The following TAPT1 variants were observed in gnomAD, a reference collection of about 807,000 sequenced individuals.
TAPT1 encodes the protein transmembrane anterior posterior transformation protein 1 homolog.
In TAPT1, 28 loss-of-function variants were observed where a neutral mutation model predicts 65.6. The observed-to-expected ratio is 0.43, with a 90% CI of 0.32 to 0.59. The LOEUF is 0.59. Ranked by LOEUF, TAPT1 falls within the 20% of genes least tolerant of loss-of-function variation. TAPT1 has a pLI of 0.09. For missense variants in TAPT1, 563 were observed against 679.9 expected (o/e 0.83, Z 1.91); for synonymous variants, 278 against 245.2 (o/e 1.13, Z -1.25).
At chr4:16,221,544 C>A (rs923015634) in intron 1 of TAPT1, among the ~76,000 whole-genome samples, 1 of 152,106 alleles carries the variant, frequency 6.6e-6, no homozygotes, top group Non-Finnish European at 1.5e-5. Context: ...AAAGAAAAAA[C>A]ACAATGTTTA....
At chr4:16,199,425 A>C (rs1317527595) in intron 3 of TAPT1, among the ~76,000 whole-genome samples, 1 of 152,214 alleles carries the variant, frequency 6.6e-6, no homozygotes, top group East Asian at 1.9e-4. Context: ...AAAGTATTTC[A>C]AACTAATGTA....
chr4:16,203,344 G>A (rs1284417195), intron 2 of TAPT1, among the ~76,000 whole-genome samples: 1 of 152,140 alleles, frequency 6.6e-6, no homozygotes, highest in Non-Finnish European at 1.5e-5. Context: ...TCAATAAATT[G>A]CCCTGCCTCC....
chr4:16,201,599 C>T (rs1193317782), intron 3 of TAPT1, among the ~76,000 whole-genome samples: 2 of 152,086 alleles, frequency 1.3e-5, no homozygotes, highest in Non-Finnish European at 2.9e-5. Flanking sequence ...AGAAAGAAAA[C>T]CGTAAAAGCC....
At position 16,161,471 on chromosome 4, in the gene TAPT1, A is replaced by C. The variant is rs1306318989; in HGVS notation, c.*1837T>G. ...GCAGTAACAGAATAATTCAAGCGGA[A>C]CTGAAGATCTATCCAAACCATGTTC... On this transcript the variant is annotated 3_prime_UTR_variant, in exon 14 of 14. Transcript: ENST00000405303. 1 of 152,650 alleles carries C rather than the reference A, an allele frequency of 6.6e-6. No homozygotes were observed. The highest frequency in any genetic ancestry group is 1.5e-5 in the Non-Finnish European group (1 of 68,036). 9.5% of individuals were successfully genotyped at this position (152,650 alleles called of 1,614,324 possible). A position where few individuals can be genotyped will look rare whatever the true frequency, so the allele number is the denominator to read the frequency against.
intron 2 of TAPT1, among the ~76,000 whole-genome samples, chr4:16,213,173 G>C (rs143321803): frequency 6.6e-6 from 1 of 152,306 alleles, no homozygotes; most frequent in Non-Finnish European, 1.5e-5. Flanking sequence ...CATCGCCTAG[G>C]GGAGAAGGGG....
intron 7 of TAPT1, among the ~76,000 whole-genome samples, chr4:16,184,381 T>C (rs183864776): frequency 1.8e-4 from 27 of 152,362 alleles, no homozygotes; most frequent in Admixed American, 1.3e-3. Flanking sequence ...TAGTATTCTA[T>C]GGTATGGATA....
intron 3 of TAPT1, among the ~76,000 whole-genome samples, chr4:16,200,601 C>T (rs1749972381): frequency 1.3e-5 from 2 of 152,248 alleles, no homozygotes. Flanking sequence ...GCTGAGATTA[C>T]AGGCATGAGC....
At chr4:16,213,694 G>T in intron 2 of TAPT1, 74 bp downstream of exon 2, 1 of 1,318,098 alleles carries the variant, frequency 7.6e-7, no homozygotes, top group Non-Finnish European at 1.0e-6. Flanking sequence ...TCTAGCTGTT[G>T]ACCATTTTTT....
chr4:16,195,569 T>C (rs540400713), intron 3 of TAPT1, among the ~76,000 whole-genome samples: 1 of 152,334 alleles, frequency 6.6e-6, no homozygotes, highest in African/African-American at 2.4e-5. Context: ...TTTTAAAAAT[T>C]TCTAGTAAAA....
chr4:16,200,004 T>G (rs1474236796), intron 3 of TAPT1, among the ~76,000 whole-genome samples: 1 of 152,116 alleles, frequency 6.6e-6, no homozygotes, highest in Admixed American at 6.6e-5. Flanking sequence ...TATAACAAGG[T>G]GGAACTTCAA....
At chr4:16,179,554 C>T (rs1748578246) in intron 8 of TAPT1, 23 bp downstream of exon 8, 2 of 1,409,808 alleles carry the variant, frequency 1.4e-6, no homozygotes, top group East Asian at 2.5e-5. Flanking sequence ...TTATAAGACA[C>T]TGTTTTGTTA....
At chr4:16,169,045 AAAG>A (rs1747821367) in intron 12 of TAPT1, among the ~76,000 whole-genome samples, 1 of 152,248 alleles carries the variant, frequency 6.6e-6, no homozygotes, top group Non-Finnish European at 1.5e-5. Flanking sequence ...GTTAATTGAT[AAAG>A]AAGGCATGGA....
chr4:16,226,405 ACGCCGCCAC>A lies in TAPT1; in HGVS notation c.44_52del (p.Gly15_Gly17del). On this transcript the variant is annotated inframe_deletion, in exon 1 of 14. Coordinates refer to ENST00000405303, the MANE Select transcript of TAPT1 (RefSeq NM_153365.3). ...GCGGCCGTCCCGCTGCGGGCCGTCC[ACGCCGCCAC>A]CGCCGCCTTCTCCCGGAGCGGCCGC... 2 of 1,090,064 alleles carry A rather than the reference ACGCCGCCAC, an allele frequency of 1.8e-6. No individual in the cohort carries two copies. Among genetic ancestry groups the A allele is most frequent in the East Asian group, 1.1e-4 (2 of 17,452 alleles). The allele number at this position is 1,090,064 out of a possible 1,614,324, so 67.5% of individuals were successfully genotyped here.
chr4:16,180,717 CG>C (rs1223673731), intron 7 of TAPT1, among the ~76,000 whole-genome samples: 4 of 152,258 alleles, frequency 2.6e-5, no homozygotes, highest in Admixed American at 6.5e-5. Context: ...TCTCTGTAAG[CG>C]AGTTGGCCTT....
rs150578775 is a variant in TAPT1, at chr4:16,173,750, A to C, written c.1236+454T>G. 2.8e-3 allele frequency among the ~76,000 whole-genome samples: 423 copies of C among 152,324 alleles called. 3 individuals are homozygous for C. Among genetic ancestry groups the C allele is most frequent in the African/African-American group, 9.6e-3 (399 of 41,580 alleles). On this transcript the variant is annotated intron_variant, in intron 11 of 13. Coordinates refer to ENST00000405303, the MANE Select transcript of TAPT1 (RefSeq NM_153365.3). ...AAATGCAAAGCCATGCCCATAAATCATTGTGTGTCTTTTATAACTATTTCC... is the reference window on the plus strand; with the variant it reads ...AAATGCAAAGCCATGCCCATAAATCCTTGTGTGTCTTTTATAACTATTTCC...
At chr4:16,224,037 T>A (rs992102610) in intron 1 of TAPT1, among the ~76,000 whole-genome samples, 2 of 151,876 alleles carry the variant, frequency 1.3e-5, no homozygotes, top group African/African-American at 4.8e-5. Context: ...TGCAGGGGGA[T>A]CTAGATCTCA....
chr4:16,220,508 T>A (rs1751193128), intron 1 of TAPT1, among the ~76,000 whole-genome samples: 2 of 152,188 alleles, frequency 1.3e-5, no homozygotes, highest in African/African-American at 4.8e-5. Context: ...ATAGACACTT[T>A]GGGAGGCCAA....
rs1251060665 is a variant in TAPT1, at chr4:16,179,587, A to G, written c.987T>C (p.Ser329=). Residue 329 remains serine, a synonymous_variant, in exon 8 of 14, where the codon TCT becomes TCC. Coordinates refer to ENST00000405303, the MANE Select transcript of TAPT1 (RefSeq NM_153365.3). ...TTAAGAGTGAGTTACCTGGATTCCA[A>G]GAAAACTGTTCCATGTTTCTTAGAC... ...IVCLRNMEQF[S]WNPDHLWVLF... is the part of the protein sequence containing the mutation. 2 of 1,533,478 alleles carry G rather than the reference A, an allele frequency of 1.3e-6. No individual in the cohort carries two copies. Among genetic ancestry groups the G allele is most frequent in the Non-Finnish European group, 8.8e-7 (1 of 1,140,856 alleles). 95.0% of individuals were successfully genotyped at this position (1,533,478 alleles called of 1,614,324 possible).
intron 1 of TAPT1, among the ~76,000 whole-genome samples, chr4:16,221,284 C>G (rs1270488491): frequency 6.6e-6 from 1 of 151,824 alleles, no homozygotes; most frequent in Admixed American, 6.6e-5. Flanking sequence ...CACCTCCACG[C>G]CCAGCTAATT....
Sources: gnomAD v4.1 joint callset for allele counts (sites outside exome capture counted in the v4.1 genomes callset) on GRCh38, gnomAD v4.1.1 for gene constraint, MANE v1.5 for transcripts, NCBI Gene and HGNC (gene_info 2026-07-23, HGNC 2026-07-21) for gene names.